SNTG1: variants seen among roughly 807,000 people sequenced by gnomAD.
The protein encoded by SNTG1 is syntrophin gamma 1.
In SNTG1, 39 loss-of-function variants were observed where a neutral mutation model predicts 74.7. That is an observed-to-expected ratio of 0.52 (90% CI 0.40 to 0.68). The LOEUF (loss-of-function observed/expected upper bound fraction) is 0.68, where lower values mean the gene tolerates loss of function less well. SNTG1 is among the 30% of genes least tolerant of loss of function. SNTG1 has a pLI of 0.00. For synonymous variants in SNTG1, 254 were observed against 217.1 expected (o/e 1.17, Z -1.49); for missense variants, 685 against 609.5 (o/e 1.12, Z -1.30).
intron 3 of SNTG1, among the ~76,000 whole-genome samples, chr8:50,397,904 G>T (rs143114051): frequency 2.0e-5 from 3 of 152,260 alleles, no homozygotes; most frequent in South Asian, 2.1e-4. Context: ...TGTTAAGGGA[G>T]AAAAATAAAT....
intron 17 of SNTG1, among the ~76,000 whole-genome samples, chr8:50,745,541 A>G (rs1585694513): frequency 1.3e-5 from 2 of 152,060 alleles, no homozygotes; most frequent in East Asian, 3.9e-4. Flanking sequence ...ATGATTTAAC[A>G]GTGCAGCTTC....
At chr8:50,110,872 T>C (rs2080558190) in intron 1 of SNTG1, among the ~76,000 whole-genome samples, 1 of 152,180 alleles carries the variant, frequency 6.6e-6, no homozygotes, top group African/African-American at 2.4e-5. Flanking sequence ...TTGCCATATT[T>C]AGCATATAAA....
intron 8 of SNTG1, among the ~76,000 whole-genome samples, chr8:50,476,069 C>T (rs756468880): frequency 6.6e-6 from 1 of 152,092 alleles, no homozygotes; most frequent in Non-Finnish European, 1.5e-5. Context: ...ACTACCCACC[C>T]GTTAGACACT....
intron 2 of SNTG1, among the ~76,000 whole-genome samples, chr8:50,244,244 C>T (rs2086291866): frequency 6.6e-6 from 1 of 152,160 alleles, no homozygotes. Context: ...GAGAAATCCA[C>T]TCCCGTGACC....
chr8:50,519,606 T>G (rs528851293), intron 9 of SNTG1, among the ~76,000 whole-genome samples: 8 of 152,060 alleles, frequency 5.3e-5, no homozygotes, highest in Admixed American at 5.2e-4. Flanking sequence ...TTCGGCAGAG[T>G]TTCAGGATAC....
At chr8:50,386,162 A>G (rs939104744) in intron 2 of SNTG1, among the ~76,000 whole-genome samples, 1 of 152,118 alleles carries the variant, frequency 6.6e-6, no homozygotes, top group East Asian at 1.9e-4. Flanking sequence ...GTCAATTCTA[A>G]TTACACACTC....
intron 1 of SNTG1, among the ~76,000 whole-genome samples, chr8:49,948,281 A>T (rs1409810778): frequency 6.6e-6 from 1 of 152,160 alleles, no homozygotes; most frequent in Non-Finnish European, 1.5e-5. Flanking sequence ...TCATGTTCTA[A>T]GCTGGGCCTC....
At chr8:50,311,033 C>T (rs1172945756) in intron 2 of SNTG1, among the ~76,000 whole-genome samples, 1 of 152,182 alleles carries the variant, frequency 6.6e-6, no homozygotes. Context: ...AAATTAGGTC[C>T]TGACTTCTGA....
At chr8:49,958,822 T>C (rs1003128469) in intron 1 of SNTG1, among the ~76,000 whole-genome samples, 1 of 152,212 alleles carries the variant, frequency 6.6e-6, no homozygotes, top group Non-Finnish European at 1.5e-5. Flanking sequence ...TCATTACTGG[T>C]CATAGAGTAG....
chr8:50,435,802 C>T (rs185867293), intron 4 of SNTG1, among the ~76,000 whole-genome samples: 1 of 152,190 alleles, frequency 6.6e-6, no homozygotes, highest in East Asian at 1.9e-4. Flanking sequence ...TTTTGAGATT[C>T]TTTTGGTGGT....
intron 4 of SNTG1, among the ~76,000 whole-genome samples, chr8:50,433,959 A>G (rs2093272640): frequency 6.6e-6 from 1 of 152,200 alleles, no homozygotes; most frequent in Admixed American, 6.5e-5. Flanking sequence ...TTACATATGT[A>G]TACATGTGCC....
intron 1 of SNTG1, among the ~76,000 whole-genome samples, chr8:50,042,390 T>C (rs773236872): frequency 9.2e-5 from 14 of 152,054 alleles, no homozygotes; most frequent in Non-Finnish European, 1.9e-4. Flanking sequence ...AATGCAAATC[T>C]TAAAATAATT....
At chr8:50,671,228 A>G (rs2095280586) in intron 15 of SNTG1, among the ~76,000 whole-genome samples, 1 of 151,984 alleles carries the variant, frequency 6.6e-6, no homozygotes, top group East Asian at 1.9e-4. Context: ...CTGCACAGCA[A>G]AAGAAACTAC....
chr8:50,687,423 A>G lies in SNTG1; in HGVS notation c.1039-17177A>G, dbSNP rs187004281. On this transcript the variant is annotated intron_variant, in intron 15 of 18. Transcript: ENST00000642720. The stretch of plus-strand genomic sequence containing the variant: ...ACATGTACCTCCCTTTTAAGGACAC[A>G]CATGGAAGAAATCGAAAAAGACATT... 2.5e-4 allele frequency among the ~76,000 whole-genome samples: 38 copies of G among 152,354 alleles called. No individual in the cohort carries two copies. The East Asian group carries it at 4.6e-3, about 19-fold the overall frequency.
chr8:50,642,803 T>G (rs956436828), intron 13 of SNTG1, among the ~76,000 whole-genome samples: 3 of 152,134 alleles, frequency 2.0e-5, no homozygotes, highest in Non-Finnish European at 2.9e-5. Flanking sequence ...CTATTTAACA[T>G]AACATGTATT....
chr8:50,396,703 C>T (rs2092732768), intron 3 of SNTG1, among the ~76,000 whole-genome samples: 1 of 152,004 alleles, frequency 6.6e-6, no homozygotes, highest in African/African-American at 2.4e-5. Context: ...GAGTATATTT[C>T]AAAATTAATA....
intron 18 of SNTG1, among the ~76,000 whole-genome samples, chr8:50,770,861 T>C (rs2095625346): frequency 6.6e-6 from 1 of 152,108 alleles, no homozygotes; most frequent in African/African-American, 2.4e-5. Flanking sequence ...TCTCACCATG[T>C]GGTCTCTTTG....
intron 9 of SNTG1, among the ~76,000 whole-genome samples, chr8:50,527,164 G>T (rs1364127566): frequency 6.6e-6 from 1 of 151,712 alleles, no homozygotes; most frequent in East Asian, 1.9e-4. Flanking sequence ...TTCTGTTCAA[G>T]ACTTTTCCCC....
chr8:50,355,045 T>G (rs2091779301), intron 2 of SNTG1, among the ~76,000 whole-genome samples: 1 of 152,144 alleles, frequency 6.6e-6, no homozygotes, highest in Non-Finnish European at 1.5e-5. Flanking sequence ...CGTGCATTGT[T>G]TCAGTCAAGG....
Sources: allele counts gnomAD v4.1 joint callset (sites outside exome capture counted in the v4.1 genomes callset), GRCh38; gene constraint gnomAD v4.1.1; transcripts MANE v1.5; gene names NCBI Gene and HGNC (gene_info 2026-07-23, HGNC 2026-07-21).